Variants in EFNA5 observed in about 807,000 individuals in gnomAD.
EFNA5 encodes ephrin A5, also known as ephrin-A5.
In EFNA5, 5 loss-of-function variants were observed where a neutral mutation model predicts 22.9. The observed-to-expected ratio is 0.22, with a 90% CI of 0.11 to 0.46. EFNA5 has a LOEUF of 0.46. Among genes scored for constraint, EFNA5 ranks in the 20% least tolerant of loss-of-function variants. The pLI is 0.99. For synonymous variants in EFNA5, 113 were observed against 112.2 expected (o/e 1.01, Z -0.04); for missense variants, 237 against 293.3 (o/e 0.81, Z 1.40).
At chr5:107,459,716 T>G (rs1169255578) in intron 1 of EFNA5, among the ~76,000 whole-genome samples, 1 of 152,120 alleles carries the variant, frequency 6.6e-6, no homozygotes, top group South Asian at 2.1e-4. Flanking sequence ...AGAATTGAGT[T>G]GTCACGCAAT....
intron 1 of EFNA5, among the ~76,000 whole-genome samples, chr5:107,590,776 A>T (rs1050281773): frequency 1.8e-4 from 28 of 152,320 alleles, no homozygotes; most frequent in Admixed American, 1.8e-3. Context: ...ATAAAGCTGG[A>T]CAAAACTCAC....
At chr5:107,624,896 T>C (rs1229650227) in intron 1 of EFNA5, among the ~76,000 whole-genome samples, 1 of 152,130 alleles carries the variant, frequency 6.6e-6, no homozygotes, top group Non-Finnish European at 1.5e-5. Context: ...ATATTTTATA[T>C]ATAAACATTC....
chr5:107,656,357 GA>G (rs1750821101), intron 1 of EFNA5, among the ~76,000 whole-genome samples: 1 of 152,050 alleles, frequency 6.6e-6, no homozygotes, highest in African/African-American at 2.4e-5. Flanking sequence ...TACTCTTTTA[GA>G]AATCACAAGA....
At chr5:107,625,255 G>T (rs1481295192) in intron 1 of EFNA5, among the ~76,000 whole-genome samples, 1 of 152,032 alleles carries the variant, frequency 6.6e-6, no homozygotes, top group Non-Finnish European at 1.5e-5. Flanking sequence ...ACATTAGGTG[G>T]CCAGCTGGTA....
chr5:107,657,188 C>G (rs1377367347), intron 1 of EFNA5, among the ~76,000 whole-genome samples: 1 of 151,968 alleles, frequency 6.6e-6, no homozygotes, highest in Non-Finnish European at 1.5e-5. Context: ...AGGTGAAAAA[C>G]AGTATTAAGA....
chr5:107,605,153 G>T (rs1471544323), intron 1 of EFNA5, among the ~76,000 whole-genome samples: 6 of 150,932 alleles, frequency 4.0e-5, no homozygotes, highest in South Asian at 4.2e-4. Flanking sequence ...GGGTGGGGAT[G>T]GGGGGGGAAG....
At chr5:107,636,931 C>A (rs1311454402) in intron 1 of EFNA5, among the ~76,000 whole-genome samples, 1 of 152,170 alleles carries the variant, frequency 6.6e-6, no homozygotes, top group Non-Finnish European at 1.5e-5. Context: ...GCAAAGCAAG[C>A]ATTTCAGGTT....
Position 107,544,935 on chromosome 5 carries a change from A to G in EFNA5, c.126-117426T>C, listed in dbSNP as rs191918949. On this transcript the variant is annotated intron_variant, in intron 1 of 4. Coordinates refer to ENST00000333274, the MANE Select transcript of EFNA5 (RefSeq NM_001962.3). Reference sequence around the variant, plus strand: ...TCTCTGATCATTCTTTAACTCCCACAATGTCTACACTGTCATTTTAGTTAT... The same window carrying G: ...TCTCTGATCATTCTTTAACTCCCACGATGTCTACACTGTCATTTTAGTTAT... Among the ~76,000 whole-genome samples, 434 of 152,318 alleles carry G rather than the reference A, an allele frequency of 2.8e-3. 2 individuals are homozygous for G. The highest frequency in any genetic ancestry group is 4.1e-3 in the Non-Finnish European group (281 of 68,022).
intron 1 of EFNA5, among the ~76,000 whole-genome samples, chr5:107,438,215 C>T (rs1249173153): frequency 1.3e-5 from 2 of 152,126 alleles, no homozygotes; most frequent in South Asian, 2.1e-4. Flanking sequence ...TGTAATGCTT[C>T]TACCCCCTAC....
rs1747521399 is a variant in EFNA5, at chr5:107,518,162, T to C, written c.126-90653A>G. Among the ~76,000 whole-genome samples, 3 of 152,066 alleles carry C rather than the reference T, an allele frequency of 2.0e-5. No individual in the cohort carries two copies. The South Asian group carries it at 6.2e-4, about 32-fold the overall frequency. ...AAAGGAAAGACTATGTTTGACATATTCTATTTAGAAAATAAAAGGGTTTCC... is the reference window on the plus strand; with the variant it reads ...AAAGGAAAGACTATGTTTGACATATCCTATTTAGAAAATAAAAGGGTTTCC... On this transcript the variant is annotated intron_variant, in intron 1 of 4. Transcript: ENST00000333274.
intron 1 of EFNA5, among the ~76,000 whole-genome samples, chr5:107,628,687 A>T (rs1272142324): frequency 6.6e-6 from 1 of 152,152 alleles, no homozygotes; most frequent in Non-Finnish European, 1.5e-5. Flanking sequence ...CAAAACTACA[A>T]TGTAACTCAA....
At chr5:107,575,261 A>C (rs1748903786) in intron 1 of EFNA5, among the ~76,000 whole-genome samples, 1 of 152,190 alleles carries the variant, frequency 6.6e-6, no homozygotes, top group African/African-American at 2.4e-5. Flanking sequence ...GAAAAATATC[A>C]TATTTTGTAA....
chr5:107,541,106 C>T (rs1211402029), intron 1 of EFNA5, among the ~76,000 whole-genome samples: 1 of 148,782 alleles, frequency 6.7e-6, no homozygotes, highest in East Asian at 2.0e-4. Flanking sequence ...GACTCTATCT[C>T]AAAAAAAGAA....
intron 1 of EFNA5, among the ~76,000 whole-genome samples, chr5:107,566,053 T>C (rs558484537): frequency 3.9e-5 from 6 of 152,272 alleles, no homozygotes; most frequent in South Asian, 2.1e-4. Context: ...AAGGGGCTCA[T>C]TGATATTCCC....
At chr5:107,474,543 G>A (rs1459154406) in intron 1 of EFNA5, among the ~76,000 whole-genome samples, 4 of 152,030 alleles carry the variant, frequency 2.6e-5, no homozygotes, top group Non-Finnish European at 5.9e-5. Context: ...AATACAGGGA[G>A]GTGCTGTCAT....
intron 1 of EFNA5, among the ~76,000 whole-genome samples, chr5:107,462,630 G>A (rs1030955711): frequency 1.3e-4 from 20 of 152,082 alleles, no homozygotes; most frequent in Admixed American, 3.9e-4. Context: ...GAGACTTTGT[G>A]ATGAACAAAA....
intron 1 of EFNA5, among the ~76,000 whole-genome samples, chr5:107,538,616 T>G (rs1478012717): frequency 6.6e-6 from 1 of 152,192 alleles, no homozygotes; most frequent in African/African-American, 2.4e-5. Flanking sequence ...GTAAAATGTA[T>G]TCAGTAAACT....
intron 1 of EFNA5, among the ~76,000 whole-genome samples, chr5:107,612,398 G>A (rs1358399973): frequency 1.3e-5 from 2 of 151,948 alleles, no homozygotes; most frequent in African/African-American, 4.8e-5. Flanking sequence ...AACCAGACAG[G>A]TTACAACCAG....
chr5:107,594,199 C>T (rs1749429975), intron 1 of EFNA5, among the ~76,000 whole-genome samples: 1 of 152,136 alleles, frequency 6.6e-6, no homozygotes, highest in African/African-American at 2.4e-5. Flanking sequence ...TTGTGAGGCT[C>T]TTTTATCAAA....
Sources: gnomAD v4.1 joint callset for allele counts (sites outside exome capture counted in the v4.1 genomes callset) on GRCh38, gnomAD v4.1.1 for gene constraint, MANE v1.5 for transcripts, NCBI Gene and HGNC (gene_info 2026-07-23, HGNC 2026-07-21) for gene names.